The following NCS1 variants were observed in gnomAD, a reference collection of about 807,000 sequenced individuals.
NCS1 encodes the protein frequenin homolog.
Under a neutral mutation model 28.4 loss-of-function variants are expected in NCS1, and 6 were observed. The ratio of observed to expected loss-of-function variants is 0.21; its 90% CI spans 0.12 to 0.42. The LOEUF (loss-of-function observed/expected upper bound fraction) is 0.42, where lower values mean the gene tolerates loss of function less well. NCS1 is among the 10% of genes least tolerant of loss of function. The probability of loss-of-function intolerance (pLI) is 1.00; values close to 1 mark genes in which losing one functional copy is unlikely to be tolerated. For missense variants in NCS1, 131 were observed against 241.4 expected, an observed-to-expected ratio of 0.54 and a Z score of 3.03; for synonymous variants, 86 against 99.3, an observed-to-expected ratio of 0.87 and a Z score of 0.79.
chr9:130,187,556 G>A (rs556894769), intron 1 of NCS1, among the ~76,000 whole-genome samples: 2 of 152,304 alleles, frequency 1.3e-5, no homozygotes, highest in East Asian at 3.9e-4. Context: ...GAGCCGTTCT[G>A]CCCTGGTGCA....
chr9:130,192,455 T>G lies in NCS1; in HGVS notation c.65-8503T>G, dbSNP rs1285348493. Among the ~76,000 whole-genome samples the G allele has an allele frequency of 6.6e-6, 1 of 151,928 alleles. No homozygotes were observed. Among genetic ancestry groups the G allele is most frequent in the African/African-American group, 2.4e-5 (1 of 41,358 alleles). On this transcript the variant is annotated intron_variant, in intron 1 of 7. Coordinates refer to ENST00000372398, the MANE Select transcript of NCS1 (RefSeq NM_014286.4). This position sits in a 1 kb window ranked among gnomAD's most constrained non-coding sequence, Gnocchi z 4.8. ...TCTTCCTGGACACGGGGCCTGTCGT[T>G]GTGGGAAATGAGGCGCTCCAGACCC...
rs34473694 is a variant in NCS1 at position 130,174,790 on chromosome 9, C to CAAAAAAAAAAAAAA, written c.64+2067_64+2080dup. 3.3e-3 allele frequency among the ~76,000 whole-genome samples: 297 copies of CAAAAAAAAAAAAAA among 91,306 alleles called. 5 individuals are homozygous for CAAAAAAAAAAAAAA. Among genetic ancestry groups the CAAAAAAAAAAAAAA allele is most frequent in the East Asian group, 7.4e-3 (13 of 1,762 alleles). The allele number at this position is 91,306 out of a possible 152,430, so 59.9% of individuals were successfully genotyped here. On this transcript the variant is annotated intron_variant, in intron 1 of 7. Transcript: ENST00000372398. ...TGCTCCAAGAGGGAAACTCTGTCTC[C>CAAAAAAAAAAAAAA]AAAAAAAAAAAAAAAAAGCTCTGCT...
intron 3 of NCS1, 43 bp downstream of exon 3, chr9:130,218,013 C>T (rs1348885466): frequency 6.2e-7 from 1 of 1,612,640 alleles, no homozygotes; most frequent in African/African-American, 1.3e-5. Context: ...TGGCTCAGCT[C>T]CTGTGGGTAC....
In NCS1 at chr9:130,192,159, G is replaced by T. The variant is rs1289278048; in HGVS notation, c.65-8799G>T. The stretch of plus-strand genomic sequence containing the variant: ...GACAGGTATGGGATTGGGAGTGGGG[G>T]GTGGTCTCTCTTCTCACCCTGGCAG... On this transcript the variant is annotated intron_variant, in intron 1 of 7. Coordinates refer to ENST00000372398, the MANE Select transcript of NCS1 (RefSeq NM_014286.4). This position sits in a 1 kb window ranked among gnomAD's most constrained non-coding sequence, Gnocchi z 4.8. Among the ~76,000 whole-genome samples, 1 of 152,092 alleles carries T rather than the reference G, an allele frequency of 6.6e-6. No individual in the cohort carries two copies. The highest frequency in any genetic ancestry group is 1.5e-5 in the Non-Finnish European group (1 of 68,006).
chr9:130,211,010 ATTTTTTT>A (rs34425557), intron 2 of NCS1, among the ~76,000 whole-genome samples: 1 of 92,398 alleles, frequency 1.1e-5, no homozygotes, highest in Non-Finnish European at 2.0e-5. Context: ...GGCTCCACTA[ATTTTTTT>A]TTTTTTTTTT....
chr9:130,190,725 C>T (rs1180631204), intron 1 of NCS1, among the ~76,000 whole-genome samples: 5 of 152,200 alleles, frequency 3.3e-5, no homozygotes, highest in African/African-American at 1.2e-4. Context: ...CTAAAGCCTT[C>T]CTGAGCCTGG....
At position 130,180,652 on chromosome 9, in the gene NCS1, C is replaced by T. The variant is rs1386774282; in HGVS notation, c.64+7925C>T. ...CTGGGCAATCCTGGCCAGCTCCTTACGTCTCTGAGCTCTGAGGTCCCTTGC... is the reference window on the plus strand; with the variant it reads ...CTGGGCAATCCTGGCCAGCTCCTTATGTCTCTGAGCTCTGAGGTCCCTTGC... On this transcript the variant is annotated intron_variant, in intron 1 of 7. Coordinates refer to ENST00000372398, the MANE Select transcript of NCS1 (RefSeq NM_014286.4). This position sits in a 1 kb window ranked among gnomAD's most constrained non-coding sequence, Gnocchi z 4.5. Among the ~76,000 whole-genome samples the T allele has an allele frequency of 3.3e-5, 5 of 152,274 alleles. No homozygotes were observed. The highest frequency in any genetic ancestry group is 2.1e-4 in the South Asian group (1 of 4,824).
At chr9:130,205,691 A>G (rs1462650998) in intron 2 of NCS1, among the ~76,000 whole-genome samples, 2 of 150,598 alleles carry the variant, frequency 1.3e-5, no homozygotes, top group Non-Finnish European at 3.0e-5. Flanking sequence ...AAAAAAAAAA[A>G]GCTGGACATG....
chr9:130,223,324 G>A (rs1833365983), intron 6 of NCS1, among the ~76,000 whole-genome samples, 165 bp downstream of exon 6: 1 of 152,146 alleles, frequency 6.6e-6, no homozygotes, highest in Admixed American at 6.5e-5. Flanking sequence ...CCCATCCAGT[G>A]TCCAGAGTCT....
intron 1 of NCS1, among the ~76,000 whole-genome samples, chr9:130,194,238 G>A (rs1219911239): frequency 6.6e-6 from 1 of 151,022 alleles, no homozygotes; most frequent in Non-Finnish European, 1.5e-5. Flanking sequence ...GGGCTCCTGG[G>A]ACTGGCTCTC....
chr9:130,213,775 C>T (rs560768333), intron 2 of NCS1, among the ~76,000 whole-genome samples: 558 of 152,130 alleles, frequency 3.7e-3, no homozygotes, highest in African/African-American at 0.012. Flanking sequence ...GACAGGGTTT[C>T]ACCATGTTGG....
chr9:130,186,478 C>T lies in NCS1; in HGVS notation c.64+13751C>T, dbSNP rs1169337884. On this transcript the variant is annotated intron_variant, in intron 1 of 7. Transcript: ENST00000372398. This position sits in a 1 kb window ranked among gnomAD's most constrained non-coding sequence, Gnocchi z 4.1. ...TTTTTGTTTGCTGAATTTGATAGTA[C>T]TGCTTGAGGGAGATGAGAAGTTTGC... Among the ~76,000 whole-genome samples the T allele has an allele frequency of 2.6e-5, 4 of 152,120 alleles. No individual in the cohort carries two copies. Among genetic ancestry groups the T allele is most frequent in the Non-Finnish European group, 4.4e-5 (3 of 68,032 alleles).
chr9:130,225,263 A>G (rs1354223966), intron 6 of NCS1, among the ~76,000 whole-genome samples: 1 of 152,236 alleles, frequency 6.6e-6, no homozygotes, highest in African/African-American at 2.4e-5. Context: ...CTGGCTGGAG[A>G]CAGCTGTTTG....
In NCS1 at chr9:130,219,576, C is replaced by A; in HGVS notation, c.229-149C>A. Reference sequence around the variant, plus strand: ...CCCACCCTCTCCTTGCCTCTCGCCCCCCATTCCTTCGAGCCTGCCCTCTCC... The same window carrying A: ...CCCACCCTCTCCTTGCCTCTCGCCCACCATTCCTTCGAGCCTGCCCTCTCC... On this transcript the variant is annotated intron_variant, in intron 3 of 7. Transcript: ENST00000372398. The surrounding 1 kb of genome is among the most constrained non-coding windows in gnomAD (Gnocchi z 5.7). 1 of 711,386 alleles carries A rather than the reference C, an allele frequency of 1.4e-6. No individual in the cohort carries two copies. The highest frequency in any genetic ancestry group is 2.5e-6 in the Non-Finnish European group (1 of 403,842). 44.1% of individuals were successfully genotyped at this position (711,386 alleles called of 1,614,324 possible).
chr9:130,224,292 T>TA (rs782488225), intron 6 of NCS1, among the ~76,000 whole-genome samples: 1,999 of 61,646 alleles, frequency 0.032, 35 homozygotes, highest in African/African-American at 0.079. Flanking sequence ...CTTTCTCTAC[T>TA]AAAAAAAAAA....
intron 2 of NCS1, 81 bp from the exon 3 acceptor site, chr9:130,217,751 G>C: frequency 1.9e-6 from 3 of 1,601,060 alleles, no homozygotes; most frequent in Non-Finnish European, 2.6e-6. Flanking sequence ...GCTTTCCTGG[G>C]CCCCGGGCAG....
intron 1 of NCS1, among the ~76,000 whole-genome samples, chr9:130,183,374 G>A (rs1197245965): frequency 2.6e-5 from 4 of 152,342 alleles, no homozygotes; most frequent in East Asian, 1.9e-4. Flanking sequence ...CTGAGCCACC[G>A]AGGGGGCCCC....
chr9:130,178,557 G>A (rs1212100870), intron 1 of NCS1, among the ~76,000 whole-genome samples: 5 of 152,158 alleles, frequency 3.3e-5, no homozygotes, highest in African/African-American at 7.2e-5. Flanking sequence ...GTGTCCTGTC[G>A]AGTGGGCCGG....
chr9:130,212,729 A>G (rs560150990), intron 2 of NCS1, among the ~76,000 whole-genome samples: 1 of 151,686 alleles, frequency 6.6e-6, no homozygotes, highest in African/African-American at 2.4e-5. Flanking sequence ...TGGGGGATGG[A>G]GTCACGTCTC....
Sources: allele counts gnomAD v4.1 joint callset (sites outside exome capture counted in the v4.1 genomes callset), GRCh38; gene constraint gnomAD v4.1.1; non-coding constraint Gnocchi (gnomAD v3.1); transcripts MANE v1.5; gene names NCBI Gene and HGNC (gene_info 2026-07-23, HGNC 2026-07-21).